The following POU2AF2 variants were observed in gnomAD, a reference collection of about 807,000 sequenced individuals.
The protein encoded by POU2AF2 is POU domain class 2-associating factor 2.
chr11:111,256,678 G>A, the POU2AF2 span, among the ~76,000 whole-genome samples: 63 of 152,290 alleles, frequency 4.1e-4, no homozygotes, highest in Non-Finnish European at 8.1e-4. Flanking sequence ...ATCATGGCAC[G>A]TCTGTTAGCA....
chr11:111,255,948 A>G, the POU2AF2 span: 2 of 399,030 alleles, frequency 5.0e-6, no homozygotes, highest in Non-Finnish European at 8.8e-6. Context: ...TAATGATTCC[A>G]TCCACATTCG....
At chr11:111,278,800 T>C in the POU2AF2 span, among the ~76,000 whole-genome samples, 1 of 152,216 alleles carries the variant, frequency 6.6e-6, no homozygotes, top group Non-Finnish European at 1.5e-5. Context: ...ACTTATTCTA[T>C]AAAGACCAAA....
At chr11:111,272,410 C>T in the POU2AF2 span, among the ~76,000 whole-genome samples, 1 of 152,154 alleles carries the variant, frequency 6.6e-6, no homozygotes, top group Admixed American at 6.5e-5. Flanking sequence ...CATCAATAAG[C>T]TAGGGATTAT....
the POU2AF2 span, among the ~76,000 whole-genome samples, chr11:111,254,828 A>T: frequency 6.6e-6 from 1 of 152,216 alleles, no homozygotes; most frequent in Non-Finnish European, 1.5e-5. Flanking sequence ...CTGATGCTGA[A>T]TTCTGTACCA....
At chr11:111,246,393 G>T in the POU2AF2 span, among the ~76,000 whole-genome samples, 1 of 152,130 alleles carries the variant, frequency 6.6e-6, no homozygotes, top group African/African-American at 2.4e-5. Flanking sequence ...ACTAAATATA[G>T]ATCTTTCCCC....
the POU2AF2 span, among the ~76,000 whole-genome samples, chr11:111,256,377 A>C: frequency 6.6e-6 from 1 of 152,174 alleles, no homozygotes; most frequent in Non-Finnish European, 1.5e-5. Context: ...TTTTTGAAAG[A>C]GTTTTCATGC....
the POU2AF2 span, among the ~76,000 whole-genome samples, chr11:111,259,609 C>T: frequency 6.6e-6 from 1 of 152,160 alleles, no homozygotes; most frequent in Non-Finnish European, 1.5e-5. Context: ...AGCCACCGTG[C>T]CCAGCCCACA....
At chr11:111,278,901 A>C in the POU2AF2 span, among the ~76,000 whole-genome samples, 1 of 152,222 alleles carries the variant, frequency 6.6e-6, no homozygotes, top group East Asian at 1.9e-4. Flanking sequence ...GAGGGTGCTA[A>C]GTTCTGTGTG....
At chr11:111,264,312 G>A in the POU2AF2 span, among the ~76,000 whole-genome samples, 177 of 151,814 alleles carry the variant, frequency 1.2e-3, no homozygotes, top group South Asian at 9.8e-3. Context: ...CCTGGCCAAC[G>A]TGGTGAAACC....
At chr11:111,263,227 T>C in the POU2AF2 span, among the ~76,000 whole-genome samples, 2 of 152,174 alleles carry the variant, frequency 1.3e-5, no homozygotes, top group Admixed American at 1.3e-4. Context: ...ATTCCATTTA[T>C]TTATCTTTGT....
At chr11:111,285,722 C>T in the POU2AF2 span, 1 of 1,613,828 alleles carries the variant, frequency 6.2e-7, no homozygotes, top group Admixed American at 1.7e-5. Context: ...CGATGCCCTG[C>T]TGACCTTGCC....
chr11:111,258,174 G>A, the POU2AF2 span, among the ~76,000 whole-genome samples: 1 of 152,162 alleles, frequency 6.6e-6, no homozygotes, highest in Admixed American at 6.5e-5. Context: ...TCTCTTGAGA[G>A]AGAGAGAGAG....
the POU2AF2 span, among the ~76,000 whole-genome samples, chr11:111,270,226 A>ATTTG: frequency 6.6e-6 from 1 of 152,254 alleles, no homozygotes; most frequent in Non-Finnish European, 1.5e-5. Context: ...TGCACCAACA[A>ATTTG]GTTAATGAAT....
the POU2AF2 span, among the ~76,000 whole-genome samples, chr11:111,246,138 T>A: frequency 6.6e-6 from 1 of 152,248 alleles, no homozygotes; most frequent in Non-Finnish European, 1.5e-5. Flanking sequence ...CAGTTGAACA[T>A]TATTTTCATA....
chr11:111,264,288 G>A, the POU2AF2 span, among the ~76,000 whole-genome samples: 2 of 151,946 alleles, frequency 1.3e-5, no homozygotes, highest in Non-Finnish European at 2.9e-5. Context: ...TTGAGGTCAG[G>A]AGTTTGACAC....
At chr11:111,253,493 A>C in the POU2AF2 span, among the ~76,000 whole-genome samples, 1 of 152,022 alleles carries the variant, frequency 6.6e-6, no homozygotes, top group Non-Finnish European at 1.5e-5. Flanking sequence ...TTCACCCTTG[A>C]ATCTTCTTCT....
the POU2AF2 span, among the ~76,000 whole-genome samples, chr11:111,277,282 G>A: frequency 6.6e-6 from 1 of 152,216 alleles, no homozygotes; most frequent in Non-Finnish European, 1.5e-5. Context: ...GCTTCATCAA[G>A]TAATAAATAA....
At chr11:111,248,050 A>AT in the POU2AF2 span, among the ~76,000 whole-genome samples, 6 of 151,234 alleles carry the variant, frequency 4.0e-5, no homozygotes, top group Non-Finnish European at 1.5e-5. Flanking sequence ...CGCCCAACTG[A>AT]TTTTTTTGTA....
chr11:111,285,579 A>G, the POU2AF2 span: 1 of 1,498,006 alleles, frequency 6.7e-7, no homozygotes, highest in South Asian at 1.3e-5. Context: ...CTGAAGCCAC[A>G]GTCTGGCAGC....
Sources: gnomAD v4.1 joint callset for allele counts (sites outside exome capture counted in the v4.1 genomes callset) on GRCh38, gnomAD v4.1.1 for gene constraint, MANE v1.5 for transcripts, NCBI Gene and HGNC (gene_info 2026-07-23, HGNC 2026-07-21) for gene names.